SLC12A3: variants seen among roughly 807,000 people sequenced by gnomAD.
The protein encoded by SLC12A3 is Na-Cl cotransporter.
In SLC12A3, 104 loss-of-function variants were observed where a neutral mutation model predicts 121.0. The observed-to-expected ratio is 0.86, with a 90% CI of 0.73 to 1.01. The LOEUF (loss-of-function observed/expected upper bound fraction) is 1.01. Ranked by LOEUF, SLC12A3 falls within the 50% of genes least tolerant of loss-of-function variation. The probability of loss-of-function intolerance (pLI) is 0.00; values close to 1 mark genes in which losing one functional copy is unlikely to be tolerated. For synonymous variants in SLC12A3, 536 were observed against 533.4 expected (o/e 1.00, Z -0.07); for missense variants, 1,328 against 1,356.3 (o/e 0.98, Z 0.33).
At chr16:56,879,414 G>C in intron 10 of SLC12A3, 128 bp from the exon 11 acceptor site, 1 of 1,061,524 alleles carries the variant, frequency 9.4e-7, no homozygotes, top group South Asian at 1.3e-5. Context: ...GGATCTCCAG[G>C]GGTGGGTTGT....
chr16:56,892,877 T>C, intron 20 of SLC12A3, 76 bp from the exon 21 acceptor site: 8 of 1,194,034 alleles, frequency 6.7e-6, no homozygotes, highest in Non-Finnish European at 9.9e-6. Context: ...AGAAGGGGCG[T>C]TGGCGGGGCC....
intron 18 of SLC12A3, among the ~76,000 whole-genome samples, chr16:56,889,581 A>G (rs1344672006): frequency 6.6e-6 from 1 of 152,000 alleles, no homozygotes; most frequent in African/African-American, 2.4e-5. Flanking sequence ...GGTTCAAGCA[A>G]TTCTCCCTCA....
chr16:56,877,116 GC>G (rs2055173574), intron 8 of SLC12A3, among the ~76,000 whole-genome samples: 1 of 152,358 alleles, frequency 6.6e-6, no homozygotes, highest in Admixed American at 6.5e-5. Flanking sequence ...GAGCGGCCGG[GC>G]GCGGGGGCTC....
rs748994629 is a variant in SLC12A3, at chr16:56,890,317, C to T, written c.2329C>T (p.Arg777Trp). The T allele has an allele frequency of 3.8e-5, 61 of 1,613,878 alleles. No homozygotes were observed. The highest frequency in any genetic ancestry group is 4.7e-5 in the Non-Finnish European group (55 of 1,179,964). Residue 777 changes from arginine to tryptophan, a missense_variant, in exon 19 of 26, where the codon CGG becomes TGG. Physicochemically the swap from Arg to Trp is moderately radical, Grantham distance 101. Coordinates refer to ENST00000563236, the MANE Select transcript of SLC12A3 (RefSeq NM_001126108.2). ...FNYGVCVMRM[R>W]EGLNVSKMMQ... is the part of the protein sequence containing the mutation. ...CTATGGCGTGTGTGTCATGAGGATGCGGGAGGGACTCAACGTGTCCAAGAT... is the reference window on the plus strand; with the variant it reads ...CTATGGCGTGTGTGTCATGAGGATGTGGGAGGGACTCAACGTGTCCAAGAT...
chr16:56,872,675 CTT>C lies in SLC12A3; in HGVS notation c.985_986del (p.Leu329GlyfsTer3). The part of the protein sequence containing the change: ...SYRADIFVQN[L>X]VPDWRGPDGT... ...TTCCAGCGGACATTTTTGTCCAGAA[CTT>C]GGTGCCTGACTGGCGGGGTCCAGAT... On this transcript the variant is annotated frameshift_variant, in exon 8 of 26. Transcript: ENST00000563236. LOFTEE classifies it high-confidence loss of function. The C allele has an allele frequency of 1.2e-6, 2 of 1,614,252 alleles. No homozygotes were observed. Among genetic ancestry groups the C allele is most frequent in the Non-Finnish European group, 1.7e-6 (2 of 1,180,044 alleles).
Position 56,868,318 on chromosome 16 carries a change from T to TG in SLC12A3, c.455dup (p.Val153ArgfsTer106). ...CCAGATTCGTTGCATGCTCAACATTTGGGGCGTGATCCTCTACCTGCGGCT... is the reference window on the plus strand; with the variant it reads ...CCAGATTCGTTGCATGCTCAACATTTGGGGGCGTGATCCTCTACCTGCGGCT... On this transcript the variant is annotated frameshift_variant, in exon 3 of 26. Transcript: ENST00000563236. LOFTEE classifies it high-confidence loss of function. The TG allele has an allele frequency of 6.2e-7, 1 of 1,614,040 alleles. No individual in the cohort carries two copies. The highest frequency in any genetic ancestry group is 8.5e-7 in the Non-Finnish European group (1 of 1,179,986).
intron 18 of SLC12A3, among the ~76,000 whole-genome samples, chr16:56,888,543 CT>C (rs2055348711): frequency 1.8e-5 from 2 of 113,374 alleles, no homozygotes; most frequent in South Asian, 6.0e-4. Context: ...GTTGCCAGAT[CT>C]TTTAATTTTT....
intron 12 of SLC12A3, among the ~76,000 whole-genome samples, chr16:56,881,177 C>T (rs754586159): frequency 2.6e-5 from 4 of 152,224 alleles, no homozygotes; most frequent in Non-Finnish European, 5.9e-5. Flanking sequence ...GGCTCATGGG[C>T]ACCCTCCTGC....
In SLC12A3 at chr16:56,880,165, C is replaced by T; in HGVS notation, c.1479C>T (p.Gly493=). 6.2e-7 allele frequency: 1 copy of T among 1,606,506 alleles called. No individual in the cohort carries two copies. The highest frequency in any genetic ancestry group is 8.5e-7 in the Non-Finnish European group (1 of 1,177,402). The change falls in exon 12 of 26, where the codon GGC becomes GGT. Residue 493 remains glycine, a synonymous_variant. Coordinates refer to ENST00000563236, the MANE Select transcript of SLC12A3 (RefSeq NM_001126108.2). ...AGGACCAGCTGTACCCACTGATCGG[C>T]TTCTTCGGCAAAGGCTATGGCAAGA... is the stretch of plus-strand genomic sequence containing the variant. The part of the protein sequence containing the change: ...LCEDQLYPLI[G]FFGKGYGKNK...
At chr16:56,898,854 G>A (rs1281179083) in intron 22 of SLC12A3, among the ~76,000 whole-genome samples, 1 of 152,094 alleles carries the variant, frequency 6.6e-6, no homozygotes, top group Non-Finnish European at 1.5e-5. Flanking sequence ...TTAGACCTTT[G>A]TTACTCAAAG....
rs1567427254 is a variant in SLC12A3, at chr16:56,870,216, C to CCGTG, written c.725_728dup (p.Asp244AlafsTer16). The CCGTG allele has an allele frequency of 6.2e-7, 1 of 1,613,696 alleles. No individual in the cohort carries two copies. Among genetic ancestry groups the CCGTG allele is most frequent in the Non-Finnish European group, 8.5e-7 (1 of 1,180,020 alleles). On this transcript the variant is annotated frameshift_variant, in exon 5 of 26. Coordinates refer to ENST00000563236, the MANE Select transcript of SLC12A3 (RefSeq NM_001126108.2). LOFTEE classifies it high-confidence loss of function. Reference sequence around the variant, plus strand: ...ATGCACACGGTGGGCTTTGCAGAGACCGTGCGGGACCTGCTCCAGGTGAGG... The same window carrying CCGTG: ...ATGCACACGGTGGGCTTTGCAGAGACCGTGCGTGCGGGACCTGCTCCAGGTGAGG...
chr16:56,884,254 T>G (rs762693069), intron 14 of SLC12A3, 50 bp downstream of exon 14: 3 of 1,601,440 alleles, frequency 1.9e-6, no homozygotes, highest in Non-Finnish European at 2.6e-6. Flanking sequence ...AGGGTAGCCA[T>G]GCAGGCGGCC....
At chr16:56,910,808 C>G (rs1213031341) in intron 25 of SLC12A3, among the ~76,000 whole-genome samples, 1 of 152,240 alleles carries the variant, frequency 6.6e-6, no homozygotes, top group Non-Finnish European at 1.5e-5. Flanking sequence ...TAGGTTAGAT[C>G]TGAAGTCGCC....
intron 25 of SLC12A3, chr16:56,906,680 G>T: frequency 6.2e-6 from 3 of 485,220 alleles, no homozygotes; most frequent in South Asian, 5.0e-5. Context: ...AAATATACAA[G>T]ACCACACTGG....
intron 24 of SLC12A3, among the ~76,000 whole-genome samples, chr16:56,903,148 C>CA (rs34955209): frequency 0.089 from 10,642 of 118,938 alleles, 877 homozygotes; most frequent in African/African-American, 0.23. Context: ...GACTCCGTCT[C>CA]AAAAAAAAAA....
intron 5 of SLC12A3, 77 bp from the exon 6 acceptor site, chr16:56,870,549 G>C (rs1436049750): frequency 1.0e-6 from 1 of 980,470 alleles, no homozygotes; most frequent in Non-Finnish European, 1.7e-6. Context: ...CACAGGAGGT[G>C]CCTCCTAGGT....
In SLC12A3 at chr16:56,865,301, C is replaced by T; in HGVS notation, c.66C>T (p.Ile22=). ...DATLCSGRFT[I]STLLSSDEPS... ...CTTTGTGCAGCGGGCGCTTCACCAT[C>T]AGCACACTGCTGAGCAGTGATGAGC... Residue 22 remains isoleucine, a synonymous_variant, in exon 1 of 26, where the codon ATC becomes ATT. Coordinates refer to ENST00000563236, the MANE Select transcript of SLC12A3 (RefSeq NM_001126108.2). 3.7e-6 allele frequency: 6 copies of T among 1,614,036 alleles called. No homozygotes were observed. The highest frequency in any genetic ancestry group is 5.1e-6 in the Non-Finnish European group (6 of 1,180,046).
Position 56,880,186 on chromosome 16 carries a change from C to A in SLC12A3, c.1500C>A (p.Gly500=). Residue 500 remains glycine (G), a synonymous_variant, in exon 12 of 26, where the codon GGC becomes GGA. Coordinates refer to ENST00000563236, the MANE Select transcript of SLC12A3 (RefSeq NM_001126108.2). ...PLIGFFGKGY[G]KNKEPVRGYL... ...TCGGCTTCTTCGGCAAAGGCTATGGCAAGAACAAGGAGCCCGTGCGTGGCT... is the reference window on the plus strand; with the variant it reads ...TCGGCTTCTTCGGCAAAGGCTATGGAAAGAACAAGGAGCCCGTGCGTGGCT... 6.2e-7 allele frequency: 1 copy of A among 1,602,874 alleles called. No individual in the cohort carries two copies.
At chr16:56,878,037 T>A in intron 8 of SLC12A3, 40 bp from the exon 9 acceptor site, 1 of 421,396 alleles carries the variant, frequency 2.4e-6, no homozygotes, top group Non-Finnish European at 4.4e-6. Context: ...CCTCCCTCTC[T>A]CCCTCCCTCC....
Sources: allele counts gnomAD v4.1 joint callset (sites outside exome capture counted in the v4.1 genomes callset), GRCh38; gene constraint gnomAD v4.1.1; transcripts MANE v1.5; gene names NCBI Gene and HGNC (gene_info 2026-07-23, HGNC 2026-07-21).